Variants in PDE4B observed in about 807,000 individuals in gnomAD.
The protein encoded by PDE4B is phosphodiesterase 4B, also known as 3',5'-cyclic-AMP phosphodiesterase 4B.
PDE4B carries 20 observed loss-of-function variants against 82.2 expected under a neutral mutation model. The ratio of observed to expected loss-of-function variants is 0.24; its 90% CI spans 0.17 to 0.35. PDE4B has a LOEUF of 0.35. Among genes scored for constraint, PDE4B ranks in the 10% least tolerant of loss-of-function variants. The pLI, the probability that PDE4B is intolerant of heterozygous loss-of-function variation, is 1.00. For synonymous variants in PDE4B, 320 were observed against 318.9 expected, an observed-to-expected ratio of 1.00 and a Z score of -0.04; for missense variants, 655 against 907.2, an observed-to-expected ratio of 0.72 and a Z score of 3.57.
At chr1:65,967,711 C>G (rs1474268352) in intron 3 of PDE4B, among the ~76,000 whole-genome samples, 1 of 152,138 alleles carries the variant, frequency 6.6e-6, no homozygotes, top group Non-Finnish European at 1.5e-5. Context: ...GAGTTCATGT[C>G]CTTTGCAGGT....
rs142236324 is a variant in PDE4B at position 66,240,664 on chromosome 1, T to C, written c.282-6796T>C. Among the ~76,000 whole-genome samples, 8 of 152,382 alleles carry C rather than the reference T, an allele frequency of 5.2e-5. No homozygotes were observed. The East Asian group carries it at 1.5e-3, about 29-fold the overall frequency. ...TCTTTCCCTCAGGGACCTTGTTCCA[T>C]ACACTGCTGTATTCTCAGGCGGAGA... On this transcript the variant is annotated intron_variant, in intron 3 of 16. Transcript: ENST00000341517.
At chr1:66,128,065 A>G (rs1474876579) in intron 3 of PDE4B, among the ~76,000 whole-genome samples, 2 of 152,182 alleles carry the variant, frequency 1.3e-5, no homozygotes, top group Non-Finnish European at 2.9e-5. Context: ...ATTGAGCATT[A>G]TTTCTAATAA....
intron 3 of PDE4B, among the ~76,000 whole-genome samples, chr1:66,118,026 C>T (rs1645632039): frequency 1.3e-5 from 2 of 152,134 alleles, no homozygotes; most frequent in Non-Finnish European, 2.9e-5. Context: ...GATGGTATCT[C>T]ATTGTGATTT....
At chr1:66,005,582 G>T (rs1258026203) in intron 3 of PDE4B, among the ~76,000 whole-genome samples, 1 of 152,044 alleles carries the variant, frequency 6.6e-6, no homozygotes, top group East Asian at 1.9e-4. Context: ...TAAATGAATT[G>T]CCATTGAAAA....
chr1:66,073,032 A>G (rs949180685), intron 3 of PDE4B, among the ~76,000 whole-genome samples: 1 of 149,214 alleles, frequency 6.7e-6, no homozygotes, highest in Non-Finnish European at 1.5e-5. Flanking sequence ...TTTTTTGTAC[A>G]TTCAGCCAGT....
At chr1:66,205,739 T>C (rs1649492219) in intron 3 of PDE4B, among the ~76,000 whole-genome samples, 1 of 152,280 alleles carries the variant, frequency 6.6e-6, no homozygotes, top group East Asian at 1.9e-4. Flanking sequence ...TCCCTTTTTA[T>C]GTCTAAAATA....
At chr1:66,096,508 T>TTTTATATA (rs1553145340) in intron 3 of PDE4B, among the ~76,000 whole-genome samples, 1 of 107,328 alleles carries the variant, frequency 9.3e-6, no homozygotes, top group African/African-American at 3.4e-5. Flanking sequence ...GTAAAAAAAA[T>TTTTATATA]TATATATATA....
At chr1:66,226,730 G>A (rs1335335055) in intron 3 of PDE4B, among the ~76,000 whole-genome samples, 2 of 152,222 alleles carry the variant, frequency 1.3e-5, no homozygotes, top group East Asian at 3.8e-4. Flanking sequence ...CTATCGTAAG[G>A]ATTTTGGATT....
At chr1:65,878,176 G>A (rs1646668611) in intron 1 of PDE4B, among the ~76,000 whole-genome samples, 1 of 152,126 alleles carries the variant, frequency 6.6e-6, no homozygotes, top group African/African-American at 2.4e-5. Context: ...CAAAACCACA[G>A]TGAGATAACA....
chr1:66,125,281 A>G (rs779505287), intron 3 of PDE4B, among the ~76,000 whole-genome samples: 1 of 150,918 alleles, frequency 6.6e-6, no homozygotes, highest in Non-Finnish European at 1.5e-5. Context: ...CTCCTGCCTC[A>G]GCCTCCCGAG....
intron 3 of PDE4B, among the ~76,000 whole-genome samples, chr1:66,062,109 C>T (rs1655610763): frequency 6.6e-6 from 1 of 151,982 alleles, no homozygotes; most frequent in Admixed American, 6.6e-5. Flanking sequence ...ATACTTTAGC[C>T]ATCTTAGCAT....
chr1:66,178,824 A>G (rs1646991554), intron 3 of PDE4B, among the ~76,000 whole-genome samples: 1 of 152,090 alleles, frequency 6.6e-6, no homozygotes, highest in African/African-American at 2.4e-5. Context: ...ATGTCAATCA[A>G]CTGTTCAGAA....
At chr1:66,210,473 G>A (rs538612678) in intron 3 of PDE4B, among the ~76,000 whole-genome samples, 73 of 151,700 alleles carry the variant, frequency 4.8e-4, no homozygotes, top group Non-Finnish European at 9.0e-4. Context: ...GTGCGCGCTT[G>A]TAGTCCCGGC....
At chr1:65,931,290 T>A (rs1647818867) in intron 3 of PDE4B, among the ~76,000 whole-genome samples, 1 of 152,192 alleles carries the variant, frequency 6.6e-6, no homozygotes. Flanking sequence ...CTTTTCTTTA[T>A]AAATTACCCA....
At chr1:66,302,694 G>A (rs527490826) in intron 7 of PDE4B, among the ~76,000 whole-genome samples, 61 of 152,268 alleles carry the variant, frequency 4.0e-4, no homozygotes, top group South Asian at 8.3e-4. Flanking sequence ...AGATTTGGTG[G>A]CAGTACAAAA....
chr1:66,284,945 G>A (rs1051780158), intron 7 of PDE4B, among the ~76,000 whole-genome samples: 1 of 152,198 alleles, frequency 6.6e-6, no homozygotes, highest in Non-Finnish European at 1.5e-5. Context: ...ACAGTGACAG[G>A]AAGCAGATTC....
At chr1:65,851,031 C>T (rs1646326567) in intron 1 of PDE4B, among the ~76,000 whole-genome samples, 2 of 152,060 alleles carry the variant, frequency 1.3e-5, no homozygotes, top group African/African-American at 4.8e-5. Context: ...CTCCCCTTAC[C>T]CCAAGGGATG....
At chr1:66,066,278 T>C (rs1655841933) in intron 3 of PDE4B, among the ~76,000 whole-genome samples, 1 of 151,828 alleles carries the variant, frequency 6.6e-6, no homozygotes, top group Non-Finnish European at 1.5e-5. Context: ...ACCCGCAGCC[T>C]CCTCCATCCC....
rs573819655 is a variant in PDE4B, at chr1:65,832,289, A to G, written c.-71+39041A>G. ...AGAAGACAGAAGATCTGGAAGTTGA[A>G]CAGCTGCTGTCTGTAAACTTGAATA... On this transcript the variant is annotated intron_variant, in intron 1 of 16. Transcript: ENST00000341517. Among the ~76,000 whole-genome samples, 3 of 152,320 alleles carry G rather than the reference A, an allele frequency of 2.0e-5. No homozygotes were observed. In the South Asian group the frequency reaches 6.2e-4, roughly 32 times the overall value.
Sources: allele counts gnomAD v4.1 joint callset (sites outside exome capture counted in the v4.1 genomes callset), GRCh38; gene constraint gnomAD v4.1.1; transcripts MANE v1.5; gene names NCBI Gene and HGNC (gene_info 2026-07-23, HGNC 2026-07-21).